SYCE1L: variants seen among roughly 807,000 people sequenced by gnomAD.
SYCE1L encodes the protein synaptonemal complex central element protein 1 like, also known as synaptonemal complex central element protein 1-like.
In SYCE1L, 51 loss-of-function variants were observed where a neutral mutation model predicts 39.6. That is an observed-to-expected ratio of 1.29 (90% CI 1.03 to 1.63). The LOEUF (loss-of-function observed/expected upper bound fraction) is 1.63, where lower values mean the gene tolerates loss of function less well. Ranked by LOEUF, SYCE1L falls within the 40% of genes most tolerant of loss-of-function variation. SYCE1L has a pLI of 0.00. For missense variants in SYCE1L, 426 were observed against 304.9 expected (o/e 1.40, Z -2.96); for synonymous variants, 147 against 122.4 (o/e 1.20, Z -1.33).
intron 1 of SYCE1L, among the ~76,000 whole-genome samples, chr16:77,203,426 A>G (rs905656871): frequency 6.6e-6 from 1 of 151,472 alleles, no homozygotes; most frequent in East Asian, 1.9e-4. Context: ...CAGGCCAAAA[A>G]AAAAAGATAT....
chr16:77,208,972 C>A, intron 4 of SYCE1L, 125 bp from the exon 5 acceptor site: 2 of 1,031,026 alleles, frequency 1.9e-6, no homozygotes, highest in East Asian at 2.6e-5. Context: ...GCAAGGGTGG[C>A]AAGAAGATAC....
chr16:77,212,345 A>C lies in SYCE1L; in HGVS notation c.557A>C (p.Glu186Ala), dbSNP rs758935078. Residue 186 changes from glutamate (E) to alanine (A), a missense_variant, in exon 9 of 11, where the codon GAG becomes GCG. Physicochemically the swap from Glu to Ala is moderately radical, Grantham distance 107. Coordinates refer to ENST00000378644, the MANE Select transcript of SYCE1L (RefSeq NM_001129979.3). The part of the protein sequence containing the change: ...ERRLHSPPEV[E>A]GAMAVNDGLK... ...CGGCTGCACTCGCCGCCTGAGGTCG[A>C]GGGCGCCATGGCGGTGAATGACGGG... 22 of 1,527,066 alleles carry C rather than the reference A, an allele frequency of 1.4e-5. No individual in the cohort carries two copies. In the South Asian group the frequency reaches 2.7e-4, roughly 19 times the overall value. The allele number at this position is 1,527,066 out of a possible 1,614,324, so 94.6% of individuals were successfully genotyped here. A position where few individuals can be genotyped will look rare whatever the true frequency, so the allele number is the denominator to read the frequency against.
At chr16:77,206,004 C>A (rs1227013641) in intron 1 of SYCE1L, among the ~76,000 whole-genome samples, 1 of 151,986 alleles carries the variant, frequency 6.6e-6, no homozygotes, top group Non-Finnish European at 1.5e-5. Flanking sequence ...ATGTTAGTAG[C>A]CATTAGTAAC....
At chr16:77,212,734 G>C (rs2142522775) in intron 10 of SYCE1L, 88 bp downstream of exon 10, 1 of 1,431,924 alleles carries the variant, frequency 7.0e-7, no homozygotes, top group East Asian at 2.6e-5. Context: ...CCCCGAGAGT[G>C]GGGTCTGTGG....
chr16:77,206,557 G>T (rs2054787220), intron 2 of SYCE1L, 57 bp downstream of exon 2: 1 of 1,527,976 alleles, frequency 6.5e-7, no homozygotes, highest in Non-Finnish European at 8.9e-7. Flanking sequence ...AGAAAGACAT[G>T]GTACAAATTC....
Position 77,208,454 on chromosome 16 carries a change from T to C in SYCE1L, c.182-11T>C. On this transcript the variant is annotated splice_polypyrimidine_tract_variant and intron_variant, in intron 3 of 10. Coordinates refer to ENST00000378644, the MANE Select transcript of SYCE1L (RefSeq NM_001129979.3). ...ACACTCATACAGTGTCTTTTTCCCT[T>C]CTTGGCCCAGCAAAGAAGAAATCCA... 6.4e-7 allele frequency: 1 copy of C among 1,551,666 alleles called. No individual in the cohort carries two copies. Among genetic ancestry groups the C allele is most frequent in the Non-Finnish European group, 8.7e-7 (1 of 1,146,992 alleles).
intron 2 of SYCE1L, among the ~76,000 whole-genome samples, chr16:77,207,752 C>T (rs541946222): frequency 6.6e-6 from 1 of 152,272 alleles, no homozygotes; most frequent in Admixed American, 6.5e-5. Context: ...ACACCAGCCC[C>T]TCACTGTTAC....
chr16:77,206,259 G>A (rs1260055330), intron 1 of SYCE1L, among the ~76,000 whole-genome samples, 182 bp from the exon 2 acceptor site: 1 of 152,080 alleles, frequency 6.6e-6, no homozygotes, highest in African/African-American at 2.4e-5. Flanking sequence ...GATTTATCTA[G>A]CACACACTAT....
chr16:77,206,615 C>T (rs1447293346), intron 2 of SYCE1L, 115 bp downstream of exon 2: 3 of 960,312 alleles, frequency 3.1e-6, no homozygotes, highest in Non-Finnish European at 4.7e-6. Flanking sequence ...TGCACTTTCT[C>T]CCTCTTATAC....
Position 77,212,634 on chromosome 16 carries a change from C to T in SYCE1L, c.642C>T (p.Ala214=). 6.5e-7 allele frequency: 1 copy of T among 1,533,818 alleles called. No homozygotes were observed. Among genetic ancestry groups the T allele is most frequent in the Non-Finnish European group, 8.7e-7 (1 of 1,145,720 alleles). The change falls in exon 10 of 11, where the codon GCC becomes GCT. Residue 214 remains alanine, a synonymous_variant. Coordinates refer to ENST00000378644, the MANE Select transcript of SYCE1L (RefSeq NM_001129979.3). The part of the protein sequence containing the change: ...EQVRSAPEVG[A]GEGEAGPELP... Reference sequence around the variant, plus strand: ...TCCGGAGCGCCCCCGAGGTCGGGGCCGGCGAGGGAGAGGTAGGGAGCCCGA... The same window carrying T: ...TCCGGAGCGCCCCCGAGGTCGGGGCTGGCGAGGGAGAGGTAGGGAGCCCGA...
chr16:77,204,154 C>T (rs1276895636), intron 1 of SYCE1L, among the ~76,000 whole-genome samples: 4 of 152,072 alleles, frequency 2.6e-5, no homozygotes. Context: ...AAGGCAATTT[C>T]CTATCAGCCA....
At chr16:77,205,462 ATT>A (rs1175422831) in intron 1 of SYCE1L, among the ~76,000 whole-genome samples, 13 of 150,182 alleles carry the variant, frequency 8.7e-5, no homozygotes, top group African/African-American at 2.4e-4. Context: ...ATACATACAT[ATT>A]TACATAGAAG....
At chr16:77,207,546 C>T (rs1306056595) in intron 2 of SYCE1L, among the ~76,000 whole-genome samples, 1 of 152,156 alleles carries the variant, frequency 6.6e-6, no homozygotes, top group Non-Finnish European at 1.5e-5. Flanking sequence ...TACCAGAGCC[C>T]AGACTGACAG....
At position 77,208,545 on chromosome 16, in the gene SYCE1L, T is replaced by C. The variant is rs2054801780; in HGVS notation, c.256+6T>C. The C allele has an allele frequency of 6.4e-7, 1 of 1,551,596 alleles. No individual in the cohort carries two copies. Among genetic ancestry groups the C allele is most frequent in the Non-Finnish European group, 8.7e-7 (1 of 1,146,946 alleles). On this transcript the variant is annotated splice_donor_region_variant and intron_variant, in intron 4 of 10. Transcript: ENST00000378644. ...GCATAGGGAATTAGACTCCTGTAAG[T>C]GGGGCCAAAAGAGGGACCCATCAAC... is the stretch of plus-strand genomic sequence containing the variant.
intron 1 of SYCE1L, among the ~76,000 whole-genome samples, chr16:77,205,997 T>G (rs1254196775): frequency 6.6e-6 from 1 of 152,194 alleles, no homozygotes; most frequent in Non-Finnish European, 1.5e-5. Context: ...TTTTTTGATG[T>G]TAGTAGCCAT....
chr16:77,212,225 G>C, intron 8 of SYCE1L, 26 bp downstream of exon 8: 3 of 1,543,598 alleles, frequency 1.9e-6, no homozygotes. Context: ...CAGGTGGGCG[G>C]GGGGAGGGGG....
chr16:77,205,755 T>C (rs1031162194), intron 1 of SYCE1L, among the ~76,000 whole-genome samples: 1 of 152,122 alleles, frequency 6.6e-6, no homozygotes, highest in Non-Finnish European at 1.5e-5. Context: ...CGCTTTTTTG[T>C]TTTTGGTGGG....
intron 2 of SYCE1L, among the ~76,000 whole-genome samples, chr16:77,207,214 A>G (rs1286095952): frequency 6.6e-6 from 1 of 152,026 alleles, no homozygotes; most frequent in Non-Finnish European, 1.5e-5. Flanking sequence ...GAGAGCACCC[A>G]CTCTCCTGGA....
At chr16:77,202,309 G>C (rs545393128) in intron 1 of SYCE1L, 2 of 152,298 alleles carry the variant, frequency 1.3e-5, no homozygotes, top group East Asian at 3.9e-4. Flanking sequence ...TGGGAAATCT[G>C]ATATAAGGAC....
Sources: gnomAD v4.1 joint callset for allele counts (sites outside exome capture counted in the v4.1 genomes callset) on GRCh38, gnomAD v4.1.1 for gene constraint, MANE v1.5 for transcripts, NCBI Gene and HGNC (gene_info 2026-07-23, HGNC 2026-07-21) for gene names.